The following GALNT18 variants were observed in gnomAD, a reference collection of about 807,000 sequenced individuals.
GALNT18 encodes the protein GalNAc-transferase 18.
GALNT18 carries 44 observed loss-of-function variants against 69.5 expected under a neutral mutation model. The ratio of observed to expected loss-of-function variants is 0.63; its 90% CI spans 0.50 to 0.81. The LOEUF (loss-of-function observed/expected upper bound fraction) is 0.81. Ranked by LOEUF, GALNT18 falls within the 40% of genes least tolerant of loss-of-function variation. The probability of loss-of-function intolerance (pLI) is 0.00; values close to 1 mark genes in which losing one functional copy is unlikely to be tolerated. For missense variants in GALNT18, 715 were observed against 810.0 expected, an observed-to-expected ratio of 0.88 and a Z score of 1.42; for synonymous variants, 364 against 318.2, an observed-to-expected ratio of 1.14 and a Z score of -1.53.
intron 1 of GALNT18, among the ~76,000 whole-genome samples, chr11:11,486,350 TA>T (rs1374711879): frequency 6.6e-6 from 1 of 152,122 alleles, no homozygotes; most frequent in Admixed American, 6.5e-5. Context: ...ACAAAAGGAA[TA>T]TTGGGTTTCT....
At chr11:11,419,757 T>C (rs889665752) in intron 3 of GALNT18, among the ~76,000 whole-genome samples, 1 of 152,146 alleles carries the variant, frequency 6.6e-6, no homozygotes, top group African/African-American at 2.4e-5. Context: ...AACACCCTGC[T>C]GCAGGCTGCC....
chr11:11,526,622 T>G (rs1857532908), intron 1 of GALNT18, among the ~76,000 whole-genome samples: 1 of 152,148 alleles, frequency 6.6e-6, no homozygotes, highest in African/African-American at 2.4e-5. Flanking sequence ...AAAGGCTACA[T>G]CTCAGGCTAC....
intron 10 of GALNT18, among the ~76,000 whole-genome samples, chr11:11,286,349 G>C (rs1330078790): frequency 6.6e-6 from 1 of 152,100 alleles, no homozygotes; most frequent in Non-Finnish European, 1.5e-5. Context: ...GTAACTTTGA[G>C]TATCCTACAT....
rs891350490 is a variant in GALNT18, at chr11:11,356,062, C to T, written c.1093-15058G>A. Among the ~76,000 whole-genome samples, 1 of 152,152 alleles carries T rather than the reference C, an allele frequency of 6.6e-6. No individual in the cohort carries two copies. The highest frequency in any genetic ancestry group is 2.4e-5 in the African/African-American group (1 of 41,434). On this transcript the variant is annotated intron_variant, in intron 6 of 10. Coordinates refer to ENST00000227756, the MANE Select transcript of GALNT18 (RefSeq NM_198516.3). The surrounding 1 kb of genome is among the most constrained non-coding windows in gnomAD (Gnocchi z 4.4). ...GTGTGTAAGGGTAATTTCTGGATACCAGCACCTACAGCACTAGAAAAAAAT... is the reference window on the plus strand; with the variant it reads ...GTGTGTAAGGGTAATTTCTGGATACTAGCACCTACAGCACTAGAAAAAAAT...
At position 11,270,949 on chromosome 11, in the gene GALNT18, TTGA is replaced by T. The variant is rs1401791970; in HGVS notation, c.*192_*194del. On this transcript the variant is annotated 3_prime_UTR_variant, in exon 11 of 11. Coordinates refer to ENST00000227756, the MANE Select transcript of GALNT18 (RefSeq NM_198516.3). ...CCCCTATTTACAACTGCAAAATAGT[TTGA>T]TATCATACCATCACCTACCAATCAG... 1 of 482,794 alleles carries T rather than the reference TTGA, an allele frequency of 2.1e-6. No homozygotes were observed. Among genetic ancestry groups the T allele is most frequent in the Non-Finnish European group, 3.7e-6 (1 of 271,116 alleles). The allele number at this position is 482,794 out of a possible 1,614,324, so 29.9% of individuals were successfully genotyped here. A position where few individuals can be genotyped will look rare whatever the true frequency, so the allele number is the denominator to read the frequency against.
intron 3 of GALNT18, among the ~76,000 whole-genome samples, chr11:11,391,074 C>A (rs994926885): frequency 3.5e-4 from 54 of 152,174 alleles, no homozygotes; most frequent in African/African-American, 1.2e-3. Flanking sequence ...TGGGTGCAAG[C>A]TTTCACCCTC....
chr11:11,360,288 T>C (rs946813358), intron 6 of GALNT18, among the ~76,000 whole-genome samples: 1 of 152,146 alleles, frequency 6.6e-6, no homozygotes, highest in African/African-American at 2.4e-5. Context: ...CCACCTAACT[T>C]CCGCAGGTGG....
At chr11:11,518,401 G>A (rs1230147915) in intron 1 of GALNT18, among the ~76,000 whole-genome samples, 1 of 152,242 alleles carries the variant, frequency 6.6e-6, no homozygotes, top group Non-Finnish European at 1.5e-5. Flanking sequence ...TTAAGCACTT[G>A]TGCATTCTAA....
chr11:11,443,314 C>T (rs1226028744), intron 2 of GALNT18, among the ~76,000 whole-genome samples: 1 of 152,168 alleles, frequency 6.6e-6, no homozygotes, highest in Non-Finnish European at 1.5e-5. Context: ...TCCTACCTCT[C>T]CACCCCTTGG....
chr11:11,460,660 C>T (rs903050561), intron 1 of GALNT18, among the ~76,000 whole-genome samples: 6 of 149,364 alleles, frequency 4.0e-5, no homozygotes, highest in Non-Finnish European at 9.0e-5. Flanking sequence ...GAGGCAGTCG[C>T]CCTCCTGCCT....
rs1391795588 is a variant in GALNT18, at chr11:11,601,497, A to G, written c.235+19862T>C. 6.6e-6 allele frequency among the ~76,000 whole-genome samples: 1 copy of G among 152,182 alleles called. No homozygotes were observed. Among genetic ancestry groups the G allele is most frequent in the Non-Finnish European group, 1.5e-5 (1 of 68,034 alleles). On this transcript the variant is annotated intron_variant, in intron 1 of 10. Transcript: ENST00000227756. This position sits in a 1 kb window ranked among gnomAD's most constrained non-coding sequence, Gnocchi z 4.0. ...ATCTCCCTGTTACATTTCTGGCTGG[A>G]CTGCCCGATTGGTTTCACCTCCAGC...
chr11:11,348,379 A>G (rs1850339973), intron 6 of GALNT18, among the ~76,000 whole-genome samples: 1 of 139,314 alleles, frequency 7.2e-6, no homozygotes, highest in Non-Finnish European at 1.5e-5. Context: ...ACTTCGTCTC[A>G]GGAAAAAAAA....
At chr11:11,475,756 C>T (rs1222776369) in intron 1 of GALNT18, 1 of 152,190 alleles carries the variant, frequency 6.6e-6, no homozygotes, top group Non-Finnish European at 1.5e-5. Flanking sequence ...CCTAGAATCC[C>T]CCACCCCAAC....
chr11:11,545,496 T>C (rs896179953), intron 1 of GALNT18, among the ~76,000 whole-genome samples: 1 of 152,252 alleles, frequency 6.6e-6, no homozygotes, highest in Non-Finnish European at 1.5e-5. Context: ...CATGCCCACC[T>C]GTGGCAGGTA....
intron 1 of GALNT18, among the ~76,000 whole-genome samples, chr11:11,544,977 A>G (rs890044033): frequency 1.3e-5 from 2 of 152,160 alleles, no homozygotes; most frequent in Non-Finnish European, 2.9e-5. Flanking sequence ...TAATTACTAC[A>G]CTACCCTGCC....
Position 11,606,591 on chromosome 11 carries a change from G to A in GALNT18, c.235+14768C>T, listed in dbSNP as rs541352096. On this transcript the variant is annotated intron_variant, in intron 1 of 10. Coordinates refer to ENST00000227756, the MANE Select transcript of GALNT18 (RefSeq NM_198516.3). This position sits in a 1 kb window ranked among gnomAD's most constrained non-coding sequence, Gnocchi z 5.4. ...TACGGAGGCAGCATCACTAGGAGCT[G>A]TTGGACCCGAAGTCAGGCTCTGGTC... Among the ~76,000 whole-genome samples, 2 of 152,300 alleles carry A rather than the reference G, an allele frequency of 1.3e-5. No homozygotes were observed. The highest frequency in any genetic ancestry group is 2.1e-4 in the South Asian group (1 of 4,828).
chr11:11,283,621 T>TC (rs1248548122), intron 10 of GALNT18, among the ~76,000 whole-genome samples: 3 of 152,168 alleles, frequency 2.0e-5, no homozygotes, highest in African/African-American at 7.2e-5. Context: ...GTCTCATGGC[T>TC]CTAGGCTGGG....
intron 1 of GALNT18, among the ~76,000 whole-genome samples, chr11:11,609,547 G>T (rs759234141): frequency 8.5e-5 from 13 of 152,114 alleles, no homozygotes; most frequent in African/African-American, 3.1e-4. Flanking sequence ...CTCAATAAAC[G>T]CTTGTTCAGT....
chr11:11,415,951 C>A lies in GALNT18; in HGVS notation c.595+16670G>T, dbSNP rs1459422665. Among the ~76,000 whole-genome samples the A allele has an allele frequency of 6.6e-6, 1 of 152,228 alleles. No individual in the cohort carries two copies. Among genetic ancestry groups the A allele is most frequent in the African/African-American group, 2.4e-5 (1 of 41,448 alleles). On this transcript the variant is annotated intron_variant, in intron 3 of 10. Coordinates refer to ENST00000227756, the MANE Select transcript of GALNT18 (RefSeq NM_198516.3). This position sits in a 1 kb window ranked among gnomAD's most constrained non-coding sequence, Gnocchi z 4.1. Reference sequence around the variant, plus strand: ...CACTCCAGAAAGATTAAACAGCAACCTTGAATGTTCTTTTCGGAGAAAATA... The same window carrying A: ...CACTCCAGAAAGATTAAACAGCAACATTGAATGTTCTTTTCGGAGAAAATA...
Sources: allele counts gnomAD v4.1 joint callset (sites outside exome capture counted in the v4.1 genomes callset), GRCh38; gene constraint gnomAD v4.1.1; non-coding constraint Gnocchi (gnomAD v3.1); transcripts MANE v1.5; gene names NCBI Gene and HGNC (gene_info 2026-07-23, HGNC 2026-07-21).